The following CHEK2 variants were observed in gnomAD, a reference collection of about 807,000 sequenced individuals.
The protein encoded by CHEK2 is serine/threonine-protein kinase Chk2.
CHEK2 carries 71 observed loss-of-function variants against 69.1 expected under a neutral mutation model. That is an observed-to-expected ratio of 1.03 (90% CI 0.85 to 1.25). CHEK2 has a LOEUF of 1.25. Among genes scored for constraint, CHEK2 ranks in the 50% most tolerant of loss-of-function variants. CHEK2 has a pLI of 0.00. For missense variants in CHEK2, 664 were observed against 649.6 expected, an observed-to-expected ratio of 1.02 and a Z score of -0.24; for synonymous variants, 189 against 226.9, an observed-to-expected ratio of 0.83 and a Z score of 1.50.
chr22:28,713,362 CTTT>C (rs200104960), intron 5 of CHEK2, among the ~76,000 whole-genome samples: 8 of 140,738 alleles, frequency 5.7e-5, no homozygotes, highest in Non-Finnish European at 7.8e-5. Flanking sequence ...TACAAGTTTT[CTTT>C]TTTTTTTTTT....
chr22:28,730,317 A>AGAAGG, intron 2 of CHEK2: 1 of 421,986 alleles, frequency 2.4e-6, no homozygotes, highest in Non-Finnish European at 4.1e-6. Context: ...AAAGGAAAGC[A>AGAAGG]GAAGGGAAAG....
At chr22:28,701,199 A>G (rs1293941247) in intron 8 of CHEK2, among the ~76,000 whole-genome samples, 6 of 152,100 alleles carry the variant, frequency 3.9e-5, no homozygotes, top group South Asian at 2.1e-4. Flanking sequence ...TGCTGTGATC[A>G]GGGGTGATCA....
intron 4 of CHEK2, among the ~76,000 whole-genome samples, chr22:28,723,722 C>T (rs188413155): frequency 1.5e-4 from 23 of 151,306 alleles, no homozygotes; most frequent in Admixed American, 1.5e-3. Flanking sequence ...GGCAGGCAGA[C>T]TGACTGCTTG....
chr22:28,715,290 T>C (rs913330526), intron 5 of CHEK2, among the ~76,000 whole-genome samples: 1 of 152,120 alleles, frequency 6.6e-6, no homozygotes, highest in Admixed American at 6.6e-5. Flanking sequence ...CAGGAGCTCT[T>C]AGACGCAGTC....
chr22:28,723,243 G>A (rs977485925), intron 4 of CHEK2, among the ~76,000 whole-genome samples: 2 of 152,160 alleles, frequency 1.3e-5, no homozygotes, highest in African/African-American at 2.4e-5. Flanking sequence ...TATTTACAAA[G>A]GTAGAAGCTC....
chr22:28,697,040 A>G (rs1273074548), intron 9 of CHEK2, 53 bp from the exon 10 acceptor site: 2 of 1,125,388 alleles, frequency 1.8e-6, no homozygotes, highest in Non-Finnish European at 2.7e-6. Context: ...ATACTTAAGT[A>G]GAATCAAAGT....
intron 4 of CHEK2, among the ~76,000 whole-genome samples, chr22:28,721,143 A>G (rs2053759439): frequency 3.3e-5 from 5 of 152,266 alleles, no homozygotes. Flanking sequence ...GCAGAGGACC[A>G]GTCTGACCTA....
At chr22:28,733,953 A>G (rs371829651) in intron 2 of CHEK2, among the ~76,000 whole-genome samples, 4 of 151,874 alleles carry the variant, frequency 2.6e-5, no homozygotes, top group African/African-American at 9.7e-5. Context: ...TCCTGAAACT[A>G]AACAAAAAAG....
At chr22:28,735,266 C>T (rs1276671464) in intron 1 of CHEK2, among the ~76,000 whole-genome samples, 3 of 151,776 alleles carry the variant, frequency 2.0e-5, no homozygotes, top group South Asian at 2.1e-4. Context: ...ATTAGCCAGG[C>T]GTGGTGGCGG....
intron 7 of CHEK2, among the ~76,000 whole-genome samples, chr22:28,704,123 C>CAG (rs999943369): frequency 3.1e-3 from 9 of 2,930 alleles, no homozygotes; most frequent in African/African-American, 5.0e-3. Context: ...GACAGACAGA[C>CAG]ACACACACAC....
intron 2 of CHEK2, among the ~76,000 whole-genome samples, chr22:28,727,403 T>C: frequency 6.6e-6 from 1 of 152,200 alleles, no homozygotes; most frequent in East Asian, 1.9e-4. Context: ...CTGTTTTATA[T>C]CTTTTTGGGT....
chr22:28,694,366 C>G (rs1307425363), intron 12 of CHEK2, among the ~76,000 whole-genome samples: 4 of 152,238 alleles, frequency 2.6e-5, no homozygotes, highest in East Asian at 3.9e-4. Flanking sequence ...ACTGCCTGTT[C>G]CCTCTCTTGT....
chr22:28,694,806 C>G (rs2052498959), intron 12 of CHEK2, among the ~76,000 whole-genome samples: 1 of 152,104 alleles, frequency 6.6e-6, no homozygotes, highest in Non-Finnish European at 1.5e-5. Flanking sequence ...AAAATAGGTA[C>G]CAGGCACTTG....
At chr22:28,722,865 T>A (rs1241691675) in intron 4 of CHEK2, among the ~76,000 whole-genome samples, 1 of 152,096 alleles carries the variant, frequency 6.6e-6, no homozygotes, top group Non-Finnish European at 1.5e-5. Context: ...TACAGACTCA[T>A]GCCGCAGCCC....
At position 28,703,561 on chromosome 22, in the gene CHEK2, G is replaced by A. The variant is rs1555917031; in HGVS notation, c.852C>T (p.Cys284=). The A allele has an allele frequency of 6.4e-7, 1 of 1,557,854 alleles. No homozygotes were observed. The highest frequency in any genetic ancestry group is 1.1e-5 in the South Asian group (1 of 87,946). Residue 284 remains cysteine, a synonymous_variant, in exon 8 of 15, where the codon TGC becomes TGT. Coordinates refer to ENST00000404276, the MANE Select transcript of CHEK2 (RefSeq NM_007194.4). ...IEILKKLNHP[C]IIKIKNFFDA... The stretch of plus-strand genomic sequence containing the variant: ...CAAAAAAGTTTTTAATCTTGATGAT[G>A]CAAGGCTAAGAAGAGGGGGAGAAAA...
chr22:28,702,185 G>A (rs1290134669), intron 8 of CHEK2, among the ~76,000 whole-genome samples: 3 of 132,272 alleles, frequency 2.3e-5, no homozygotes, highest in Admixed American at 1.6e-4. Flanking sequence ...TGTACAGATG[G>A]GGTTTCACCA....
intron 1 of CHEK2, among the ~76,000 whole-genome samples, chr22:28,738,639 C>G (rs956621103): frequency 1.3e-5 from 2 of 152,152 alleles, no homozygotes; most frequent in African/African-American, 2.4e-5. Context: ...AGCAAAACTC[C>G]AGGACTGTAG....
In CHEK2 at chr22:28,734,429, G is replaced by T. The variant is rs1601851270; in HGVS notation, c.293C>A (p.Ala98Asp). The change falls in exon 2 of 15, where the codon GCC becomes GAC. Residue 98 changes from alanine to aspartate, a missense_variant. Coordinates refer to ENST00000404276, the MANE Select transcript of CHEK2 (RefSeq NM_007194.4). The stretch of plus-strand genomic sequence containing the variant: ...AAGATTGGCAAATCCATCCTGAAGG[G>T]CCCATAATCGAGCCCAGGGGGCAGG... ...PTPAPWARLW[A>D]LQDGFANLEC... 1 of 1,613,974 alleles carries T rather than the reference G, an allele frequency of 6.2e-7. No homozygotes were observed. The highest frequency in any genetic ancestry group is 8.5e-7 in the Non-Finnish European group (1 of 1,179,914).
intron 1 of CHEK2, among the ~76,000 whole-genome samples, chr22:28,739,377 C>G (rs750548178): frequency 6.6e-6 from 1 of 151,912 alleles, no homozygotes; most frequent in Non-Finnish European, 1.5e-5. Context: ...TCACTGATCA[C>G]TGGAGAAATA....
Sources: gnomAD v4.1 joint callset for allele counts (sites outside exome capture counted in the v4.1 genomes callset) on GRCh38, gnomAD v4.1.1 for gene constraint, MANE v1.5 for transcripts, NCBI Gene and HGNC (gene_info 2026-07-23, HGNC 2026-07-21) for gene names.